Variants in SERPINB11 observed in about 807,000 individuals in gnomAD.
SERPINB11 encodes serpin B11.
SERPINB11 carries 32 observed loss-of-function variants against 36.7 expected under a neutral mutation model. That is an observed-to-expected ratio of 0.87 (90% CI 0.66 to 1.17). The LOEUF is 1.17. Ranked by LOEUF, SERPINB11 falls within the 50% of genes most tolerant of loss-of-function variation. SERPINB11 has a pLI of 0.00. For missense variants in SERPINB11, 528 were observed against 458.4 expected, an observed-to-expected ratio of 1.15 and a Z score of -1.39; for synonymous variants, 174 against 168.1, an observed-to-expected ratio of 1.04 and a Z score of -0.27.
intron 7 of SERPINB11, among the ~76,000 whole-genome samples, chr18:63,721,594 A>C (rs1206041310): frequency 6.6e-6 from 1 of 152,212 alleles, no homozygotes; most frequent in African/African-American, 2.4e-5. Context: ...ATATAGCCTA[A>C]CAGTTAGGGG....
At chr18:63,717,906 T>C (rs1053836294) in intron 5 of SERPINB11, among the ~76,000 whole-genome samples, 2 of 152,062 alleles carry the variant, frequency 1.3e-5, no homozygotes, top group Non-Finnish European at 2.9e-5. Flanking sequence ...TAAAGAAATC[T>C]TGTCGTGAAA....
At chr18:63,720,346 A>C in intron 6 of SERPINB11, 191 bp downstream of exon 6, 1 of 561,874 alleles carries the variant, frequency 1.8e-6, no homozygotes, top group Admixed American at 3.4e-5. Context: ...AGAGCACCTA[A>C]CTGGAGACTT....
chr18:63,723,030 G>A lies in SERPINB11; in HGVS notation c.810G>A (p.Glu270=). ...EKQLNSGTFH[E]WTSSSNMMER... ...AGCTGAATTCGGGGACGTTTCATGA[G>A]TGGACAAGCTCTTCTAACATGATGG... The change falls in exon 8 of 8, where the codon GAG becomes GAA. Residue 270 remains glutamate (E), a synonymous_variant. Coordinates refer to ENST00000544088, the MANE Select transcript of SERPINB11 (RefSeq NM_001370475.1). 6.3e-7 allele frequency: 1 copy of A among 1,591,394 alleles called. No homozygotes were observed. Among genetic ancestry groups the A allele is most frequent in the South Asian group, 1.2e-5 (1 of 85,806 alleles).
intron 2 of SERPINB11, 123 bp downstream of exon 2, chr18:63,710,484 T>C (rs1914494415): frequency 2.9e-6 from 2 of 694,950 alleles, no homozygotes; most frequent in East Asian, 5.7e-5. Flanking sequence ...AAAAAACACA[T>C]TGAATAAATC....
intron 2 of SERPINB11, 80 bp downstream of exon 2, chr18:63,710,441 C>G: frequency 8.7e-7 from 1 of 1,149,710 alleles, no homozygotes; most frequent in Non-Finnish European, 1.2e-6. Flanking sequence ...TTAATTCTAT[C>G]TTTATACCAA....
chr18:63,712,572 A>G lies in SERPINB11; in HGVS notation c.236A>G (p.Gln79Arg). The G allele has an allele frequency of 6.2e-7, 1 of 1,613,790 alleles. No homozygotes were observed. The highest frequency in any genetic ancestry group is 1.6e-4 in the Middle Eastern group (1 of 6,062). Residue 79 changes from glutamine (Q) to arginine (R), a missense_variant, in exon 4 of 8, where the codon CAA becomes CGA. Coordinates refer to ENST00000544088, the MANE Select transcript of SERPINB11 (RefSeq NM_001370475.1). ...TGTTTACTGATGCTTCAGTGCAGCCAAGCTGGAAGAATTCATTCCGAGTTT... is the reference window on the plus strand; with the variant it reads ...TGTTTACTGATGCTTCAGTGCAGCCGAGCTGGAAGAATTCATTCCGAGTTT... The part of the protein sequence containing the change: ...PGFKDSPKCS[Q>R]AGRIHSEFGV...
chr18:63,712,942 A>G (rs1914567538), intron 4 of SERPINB11, among the ~76,000 whole-genome samples: 1 of 152,240 alleles, frequency 6.6e-6, no homozygotes, highest in South Asian at 2.1e-4. Flanking sequence ...GAAGCACAAA[A>G]CAAAGTAGGT....
chr18:63,705,364 T>C (rs1196256372), intron 1 of SERPINB11: 1 of 152,224 alleles, frequency 6.6e-6, no homozygotes, highest in Admixed American at 6.5e-5. Context: ...TTATCTAACA[T>C]AACTTCATTT....
intron 1 of SERPINB11, among the ~76,000 whole-genome samples, chr18:63,706,002 G>T (rs755958505): frequency 1.3e-5 from 2 of 152,132 alleles, no homozygotes; most frequent in Admixed American, 1.3e-4. Flanking sequence ...TCCTGTCAAA[G>T]GTACAGAATT....
At chr18:63,720,408 T>C (rs983826194) in intron 6 of SERPINB11, 18 of 463,436 alleles carry the variant, frequency 3.9e-5, no homozygotes, top group Non-Finnish European at 6.4e-5. Flanking sequence ...TTCTTAATGC[T>C]CTCTTGGCTT....
In SERPINB11 at chr18:63,723,212, C is replaced by CT; in HGVS notation, c.992_993insT (p.Ile332HisfsTer67). On this transcript the variant is annotated frameshift_variant, in exon 8 of 8. Transcript: ENST00000544088. LOFTEE classifies it high-confidence loss of function. Reference sequence around the variant, plus strand: ...ACCAAGGGCCTATATTTATCAAAAGCCATCCACAAGTCATACCTGGATGTC... The same window carrying CT: ...ACCAAGGGCCTATATTTATCAAAAGCTCATCCACAAGTCATACCTGGATGTC... 6.2e-7 allele frequency: 1 copy of CT among 1,613,802 alleles called. No homozygotes were observed. The highest frequency in any genetic ancestry group is 8.5e-7 in the Non-Finnish European group (1 of 1,179,818).
intron 7 of SERPINB11, among the ~76,000 whole-genome samples, chr18:63,722,586 C>T (rs980343000): frequency 7.9e-5 from 12 of 152,246 alleles, no homozygotes; most frequent in Admixed American, 3.9e-4. Flanking sequence ...ATCCTGGCAT[C>T]AGGGATGCCA....
chr18:63,710,130 T>C, intron 1 of SERPINB11, 49 bp from the exon 2 acceptor site: 1 of 1,436,440 alleles, frequency 7.0e-7, no homozygotes, highest in Non-Finnish European at 9.4e-7. Flanking sequence ...CCAGATACTA[T>C]CTGTAACTTC....
In SERPINB11 at chr18:63,710,317, G is replaced by A; in HGVS notation, c.124G>A (p.Val42Ile). The change falls in exon 2 of 8, where the codon GTC becomes ATC. Residue 42 changes from valine (V) to isoleucine (I), a missense_variant. Physicochemically the swap from Val to Ile is conservative, Grantham distance 29. Coordinates refer to ENST00000544088, the MANE Select transcript of SERPINB11 (RefSeq NM_001370475.1). The part of the protein sequence containing the change: ...SLSLLYALSM[V>I]LLGARGETEE... ...GAGTCTGCTTTATGCTCTAAGCATGGTCCTCCTTGGTGCCAGGGGAGAGAC... is the reference window on the plus strand; with the variant it reads ...GAGTCTGCTTTATGCTCTAAGCATGATCCTCCTTGGTGCCAGGGGAGAGAC... 2 of 1,613,556 alleles carry A rather than the reference G, an allele frequency of 1.2e-6. No individual in the cohort carries two copies. The highest frequency in any genetic ancestry group is 2.7e-5 in the African/African-American group (2 of 75,022).
chr18:63,719,351 C>G (rs1311488681), intron 5 of SERPINB11, among the ~76,000 whole-genome samples: 1 of 152,028 alleles, frequency 6.6e-6, no homozygotes, highest in Non-Finnish European at 1.5e-5. Flanking sequence ...AAATTAAAAC[C>G]TTCATGAAGC....
intron 6 of SERPINB11, 159 bp from the exon 7 acceptor site, chr18:63,720,672 C>A (rs1914786535): frequency 3.5e-6 from 2 of 565,146 alleles, no homozygotes; most frequent in Admixed American, 3.5e-5. Flanking sequence ...AAATGGATAA[C>A]CTTTGCAAAG....
At chr18:63,722,046 G>A (rs1210576943) in intron 7 of SERPINB11, among the ~76,000 whole-genome samples, 3 of 152,166 alleles carry the variant, frequency 2.0e-5, no homozygotes, top group South Asian at 2.1e-4. Context: ...TTCAGTCCGA[G>A]CCTTGCTGGA....
chr18:63,710,525 TA>T (rs1487667321), intron 2 of SERPINB11, among the ~76,000 whole-genome samples, 164 bp downstream of exon 2: 1 of 152,228 alleles, frequency 6.6e-6, no homozygotes, highest in Non-Finnish European at 1.5e-5. Context: ...ATGGTTTGAT[TA>T]ATGGAGTATG....
intron 1 of SERPINB11, among the ~76,000 whole-genome samples, chr18:63,707,204 C>T (rs1389497981): frequency 2.6e-5 from 4 of 152,124 alleles, no homozygotes; most frequent in Non-Finnish European, 1.5e-5. Context: ...TCTCTTAGCC[C>T]AAAACAAGGG....
Sources: allele counts gnomAD v4.1 joint callset (sites outside exome capture counted in the v4.1 genomes callset), GRCh38; gene constraint gnomAD v4.1.1; transcripts MANE v1.5; gene names NCBI Gene and HGNC (gene_info 2026-07-23, HGNC 2026-07-21).